The following ACSL4 variants were observed in gnomAD, a reference collection of about 807,000 sequenced individuals.
The protein encoded by ACSL4 is long-chain-fatty-acid--CoA ligase 4.
In ACSL4, 9 loss-of-function variants were observed where a neutral mutation model predicts 49.1. The observed-to-expected ratio is 0.18, with a 90% CI of 0.11 to 0.32. The LOEUF (loss-of-function observed/expected upper bound fraction) is 0.32. Ranked by LOEUF, ACSL4 falls within the 10% of genes least tolerant of loss-of-function variation. The probability of loss-of-function intolerance (pLI) is 1.00; values close to 1 mark genes in which losing one functional copy is unlikely to be tolerated. For missense variants in ACSL4, 333 were observed against 493.7 expected (o/e 0.67, Z 3.08); for synonymous variants, 191 against 170.3 (o/e 1.12, Z -0.95).
intron 1 of ACSL4, among the ~76,000 whole-genome samples, chrX:109,722,305 C>A (rs1927618438): frequency 8.9e-6 from 1 of 111,946 alleles, no homozygotes; most frequent in Non-Finnish European, 1.9e-5. Context: ...AATTCTCTGA[C>A]ACAGTTCTCC....
chrX:109,686,082 T>C (rs965490847), intron 2 of ACSL4, among the ~76,000 whole-genome samples: 8 of 111,973 alleles, frequency 7.1e-5, no homozygotes, highest in Non-Finnish European at 1.5e-4. Context: ...GGGTTTATCA[T>C]AATGCTGAAT....
At chrX:109,726,709 C>T (rs1035092041) in intron 1 of ACSL4, among the ~76,000 whole-genome samples, 1 of 111,069 alleles carries the variant, frequency 9.0e-6, no homozygotes, top group Admixed American at 9.6e-5. Context: ...GACAGGGTCT[C>T]GCTCTATCAC....
intron 1 of ACSL4, among the ~76,000 whole-genome samples, chrX:109,730,636 T>G (rs1224286525): frequency 2.7e-5 from 3 of 112,343 alleles, no homozygotes; most frequent in African/African-American, 9.7e-5. Flanking sequence ...AAGAAGATAG[T>G]TGAATGAATT....
At chrX:109,657,149 A>G (rs1301079386) in intron 15 of ACSL4, among the ~76,000 whole-genome samples, 4 of 111,951 alleles carry the variant, frequency 3.6e-5, no homozygotes, top group Admixed American at 1.9e-4. Flanking sequence ...GCCTCTCCCA[A>G]TAAGATTTGG....
Position 109,725,688 on chromosome X carries a change from C to T in ACSL4, c.-66+7451G>A, listed in dbSNP as rs1213897956. Among the ~76,000 whole-genome samples, 4 of 110,257 alleles carry T rather than the reference C, an allele frequency of 3.6e-5. No homozygotes were observed. The South Asian group carries it at 1.2e-3, about 32-fold the overall frequency. On this transcript the variant is annotated intron_variant, in intron 1 of 15. Transcript: ENST00000672401. ...CCGGGAGGTGGAGCTTACAGTGAGC[C>T]GAGATCACGCCACTGCACTCCAGCC...
chrX:109,668,755 T>G (rs1342688407), intron 10 of ACSL4, among the ~76,000 whole-genome samples: 1 of 111,780 alleles, frequency 8.9e-6, no homozygotes, highest in African/African-American at 3.2e-5. Context: ...CTCAAGTGTC[T>G]TGATTCAAAA....
At chrX:109,655,057 T>A (rs967766177) in intron 15 of ACSL4, among the ~76,000 whole-genome samples, 4 of 111,536 alleles carry the variant, frequency 3.6e-5, no homozygotes, top group African/African-American at 1.3e-4. Flanking sequence ...AAATCTCCTT[T>A]GGAGAAACAG....
rs778034718 is a variant in ACSL4 at position 109,663,352 on chromosome X, C to A, written c.1441G>T (p.Gly481Cys). 2 of 1,210,541 alleles carry A rather than the reference C, an allele frequency of 1.7e-6. No homozygotes were observed. Among genetic ancestry groups the A allele is most frequent in the Non-Finnish European group, 2.2e-6 (2 of 894,464 alleles). Residue 481 changes from glycine (G) to cysteine (C), a missense_variant, in exon 13 of 16, where the codon GGT becomes TGT. Physicochemically the swap from Gly to Cys is radical, Grantham distance 159. This residue lies in a region of ACSL4 where 175 missense variants were observed against 275.8 expected (regional missense o/e 0.63). Coordinates refer to ENST00000672401, the MANE Select transcript of ACSL4 (RefSeq NM_001318510.2). ...TATCCCATGGAGATGTTCTGTCCAC[C>A]AATTACGATTTCACCTCTGGGGTTT... ...KPNPRGEIVI[G>C]GQNISMGYFK... is the part of the protein sequence containing the mutation.
chrX:109,644,741 G>C (rs762674510), intron 15 of ACSL4, among the ~76,000 whole-genome samples: 2 of 112,836 alleles, frequency 1.8e-5, no homozygotes, highest in Admixed American at 9.3e-5. Context: ...CAGAAGACGG[G>C]TGATTTCTGC....
At chrX:109,645,856 C>T (rs1377860149) in intron 15 of ACSL4, among the ~76,000 whole-genome samples, 17 of 112,133 alleles carry the variant, frequency 1.5e-4, no homozygotes, top group Non-Finnish European at 2.8e-4. Flanking sequence ...AGCCAAGGCT[C>T]GAGAACTACG....
chrX:109,707,743 T>C (rs957898974), intron 1 of ACSL4, among the ~76,000 whole-genome samples: 2 of 111,531 alleles, frequency 1.8e-5, no homozygotes, highest in Non-Finnish European at 3.8e-5. Context: ...CAATAGGTGA[T>C]TGGTAAAATA....
At chrX:109,703,550 T>G (rs1052397511) in intron 1 of ACSL4, among the ~76,000 whole-genome samples, 1 of 112,103 alleles carries the variant, frequency 8.9e-6, no homozygotes, top group Non-Finnish European at 1.9e-5. Context: ...TCCCCATATC[T>G]CCTCCAATAC....
intron 15 of ACSL4, among the ~76,000 whole-genome samples, chrX:109,651,203 GATGTT>G (rs1175331962): frequency 8.9e-6 from 1 of 111,808 alleles, no homozygotes; most frequent in Admixed American, 9.5e-5. Context: ...TTAATCAACA[GATGTT>G]ATGTTAATCA....
intron 13 of ACSL4, among the ~76,000 whole-genome samples, chrX:109,662,190 A>G (rs888220927): frequency 1.8e-5 from 2 of 111,670 alleles, no homozygotes; most frequent in Non-Finnish European, 3.8e-5. Flanking sequence ...GTTCTCTAAG[A>G]AAGTGCTAGC....
intron 1 of ACSL4, among the ~76,000 whole-genome samples, chrX:109,699,852 C>G (rs1372552500): frequency 9.0e-6 from 1 of 111,004 alleles, no homozygotes; most frequent in Non-Finnish European, 1.9e-5. Context: ...TACTAAAAAA[C>G]TGTCGTAAGC....
At chrX:109,682,695 C>T (rs754365300) in intron 4 of ACSL4, 24 bp downstream of exon 4, 2 of 1,207,820 alleles carry the variant, frequency 1.7e-6, no homozygotes, top group Non-Finnish European at 1.1e-6. Context: ...TCCTCTCCCC[C>T]CTCCAAAAAC....
chrX:109,686,776 G>GCACACACACACA (rs35736807), intron 2 of ACSL4, among the ~76,000 whole-genome samples: 168 of 98,918 alleles, frequency 1.7e-3, no homozygotes, highest in African/African-American at 6.0e-3. Flanking sequence ...ACACACGCAT[G>GCACACACACACA]CACACACACA....
intron 12 of ACSL4, among the ~76,000 whole-genome samples, chrX:109,663,766 A>C (rs1407832668): frequency 2.7e-5 from 3 of 111,315 alleles, no homozygotes; most frequent in African/African-American, 9.8e-5. Context: ...TACTGATATC[A>C]ATGCATTTCA....
intron 1 of ACSL4, among the ~76,000 whole-genome samples, chrX:109,731,575 T>C (rs1476533372): frequency 1.3e-4 from 13 of 98,703 alleles, no homozygotes; most frequent in Admixed American, 1.3e-3. Context: ...TAGGGGGTTT[T>C]CCAAAAAAAA....
Sources: allele counts gnomAD v4.1 joint callset (sites outside exome capture counted in the v4.1 genomes callset), GRCh38; gene constraint gnomAD v4.1.1; regional missense constraint gnomAD v4.1.1; transcripts MANE v1.5; gene names NCBI Gene and HGNC (gene_info 2026-07-23, HGNC 2026-07-21).